The following EXOC2 variants were observed in gnomAD, a reference collection of about 807,000 sequenced individuals.
EXOC2 encodes SEC5-like 1.
A neutral mutation model predicts 131.8 loss-of-function variants in EXOC2; 70 were observed. The ratio of observed to expected loss-of-function variants is 0.53; its 90% confidence interval spans 0.44 to 0.65. The LOEUF is 0.65. Ranked by LOEUF, EXOC2 falls within the 30% of genes least tolerant of loss-of-function variation. The pLI is 0.00. For missense variants in EXOC2, 923 were observed against 1,108.6 expected, an observed-to-expected ratio of 0.83 and a Z score of 2.38; for synonymous variants, 411 against 398.4, an observed-to-expected ratio of 1.03 and a Z score of -0.38.
intron 19 of EXOC2, 131 bp downstream of exon 19, chr6:555,823 T>C: frequency 2.2e-6 from 2 of 909,738 alleles, no homozygotes; most frequent in East Asian, 2.5e-5. Flanking sequence ...CCTTAAACTA[T>C]TATGTACACA....
In EXOC2 at chr6:637,682, G is replaced by A. The variant is rs777304079; in HGVS notation, c.118+19C>T. 22 of 1,576,448 alleles carry A rather than the reference G, an allele frequency of 1.4e-5. No individual in the cohort carries two copies. Among genetic ancestry groups the A allele is most frequent in the African/African-American group, 8.2e-5 (6 of 73,038 alleles). ...AAAAATCCGATTAGCAGGGTGCGTC[G>A]CAGGGCCTCTGCCCTTACCTATGAG... On this transcript the variant is annotated intron_variant, in intron 2 of 27. Transcript: ENST00000230449.
At chr6:541,557 TCGCAGC>T (rs1756540565) in intron 22 of EXOC2, among the ~76,000 whole-genome samples, 2 of 134,736 alleles carry the variant, frequency 1.5e-5, no homozygotes, top group Non-Finnish European at 3.5e-5. Context: ...AATGACCATA[TCGCAGC>T]TGAGGTTGAA....
intron 22 of EXOC2, among the ~76,000 whole-genome samples, chr6:544,447 C>A (rs990408804): frequency 1.6e-4 from 24 of 152,190 alleles, no homozygotes; most frequent in African/African-American, 5.8e-4. Context: ...AGAAACACAT[C>A]TGATCAACTT....
intron 26 of EXOC2, 145 bp from the exon 27 acceptor site, chr6:489,183 G>T: frequency 1.3e-6 from 1 of 782,094 alleles, no homozygotes; most frequent in Non-Finnish European, 1.9e-6. Flanking sequence ...AAAAACAATA[G>T]AAAAAGTAAA....
chr6:656,104 AT>A, intron 1 of EXOC2: 1 of 1,588,728 alleles, frequency 6.3e-7, no homozygotes, highest in Non-Finnish European at 8.6e-7. Context: ...AGCTGGCTGA[AT>A]TTTTACAAGG....
At chr6:656,927 C>A (rs2127750747) in intron 1 of EXOC2, 1 of 1,529,044 alleles carries the variant, frequency 6.5e-7, no homozygotes, top group Non-Finnish European at 8.8e-7. Context: ...TGCCGGTGAT[C>A]TTGGCGCGAA....
rs147168208 is a variant in EXOC2, at chr6:617,733, G to A, written c.639C>T (p.Phe213=). 3.5e-4 allele frequency: 563 copies of A among 1,612,836 alleles called. 2 individuals carry two copies. Among genetic ancestry groups the A allele is most frequent in the Non-Finnish European group, 4.4e-4 (517 of 1,179,372 alleles). Residue 213 remains phenylalanine (F), a synonymous_variant, in exon 6 of 28, where the codon TTC becomes TTT. Coordinates refer to ENST00000230449, the MANE Select transcript of EXOC2 (RefSeq NM_018303.6). ...TACCTGAGAGGGCATCCTGTGCTTCGAAGAATGTACTGAGACCGCCTTTCA... is the reference window on the plus strand; with the variant it reads ...TACCTGAGAGGGCATCCTGTGCTTCAAAGAATGTACTGAGACCGCCTTTCA... ...AYVKGGLSTF[F]EAQDALSAIH... is the part of the protein sequence containing the mutation.
chr6:677,728 A>G (rs1764210270), intron 1 of EXOC2, among the ~76,000 whole-genome samples: 1 of 152,100 alleles, frequency 6.6e-6, no homozygotes, highest in African/African-American at 2.4e-5. Context: ...CGGCCTCCCA[A>G]AGTGCTGGGA....
chr6:567,326 T>A (rs6938636), intron 13 of EXOC2, among the ~76,000 whole-genome samples: 5,211 of 152,282 alleles, frequency 0.034, 328 homozygotes, highest in African/African-American at 0.12. Context: ...CCATCCTCTG[T>A]GTGGTTGTGT....
intron 25 of EXOC2, among the ~76,000 whole-genome samples, chr6:493,625 C>T (rs1763559445): frequency 6.6e-6 from 1 of 152,186 alleles, no homozygotes; most frequent in Non-Finnish European, 1.5e-5. Flanking sequence ...TTTCACCAAG[C>T]TCTCAGGACA....
rs1220092568 is a variant in EXOC2, at chr6:656,101, T to C, written c.-43-18240A>G. On this transcript the variant is annotated intron_variant, in intron 1 of 27. Coordinates refer to ENST00000230449, the MANE Select transcript of EXOC2 (RefSeq NM_018303.6). ...CCTTAAAAAAAAAATCTAAGCTGGC[T>C]GAATTTTTACAAGGCAGGAATGAAA... 8 of 1,578,488 alleles carry C rather than the reference T, an allele frequency of 5.1e-6. No homozygotes were observed. In the African/African-American group the frequency reaches 1.1e-4, roughly 21 times the overall value.
At chr6:557,088 C>T (rs538189221) in intron 17 of EXOC2, among the ~76,000 whole-genome samples, 2 of 152,200 alleles carry the variant, frequency 1.3e-5, no homozygotes, top group East Asian at 1.9e-4. Flanking sequence ...TGAAAATATG[C>T]CCAACCAATG....
intron 11 of EXOC2, among the ~76,000 whole-genome samples, chr6:586,469 G>A (rs1007930503): frequency 3.9e-5 from 6 of 152,202 alleles, no homozygotes; most frequent in African/African-American, 1.4e-4. Context: ...TTTTAGAAGT[G>A]AGTGATGAGG....
At position 543,006 on chromosome 6, in the gene EXOC2, G is replaced by A. The variant is rs528305749; in HGVS notation, c.2238+6169C>T. 7.2e-5 allele frequency among the ~76,000 whole-genome samples: 11 copies of A among 152,310 alleles called. No individual in the cohort carries two copies. In the East Asian group the frequency reaches 1.7e-3, roughly 24 times the overall value. ...AAAGCCCATCCTGGACACTCTGGAT[G>A]ATAAGCTGGAGAGTGGAAACGTTTA... On this transcript the variant is annotated intron_variant, in intron 22 of 27. Coordinates refer to ENST00000230449, the MANE Select transcript of EXOC2 (RefSeq NM_018303.6).
At chr6:578,079 A>G (rs1241894015) in intron 11 of EXOC2, among the ~76,000 whole-genome samples, 3 of 152,202 alleles carry the variant, frequency 2.0e-5, no homozygotes, top group Non-Finnish European at 4.4e-5. Flanking sequence ...AAGTAAATAT[A>G]TCTCCATGTT....
chr6:608,937 T>C (rs758361334), intron 7 of EXOC2, among the ~76,000 whole-genome samples: 4 of 152,236 alleles, frequency 2.6e-5, no homozygotes, highest in Non-Finnish European at 5.9e-5. Flanking sequence ...CTTCAATAAG[T>C]GTTTGAGTTA....
At chr6:658,232 T>C (rs1763230055) in intron 1 of EXOC2, among the ~76,000 whole-genome samples, 1 of 152,218 alleles carries the variant, frequency 6.6e-6, no homozygotes, top group South Asian at 2.1e-4. Flanking sequence ...TGGCCCTCTC[T>C]ATATTTTCTC....
intron 2 of EXOC2, among the ~76,000 whole-genome samples, chr6:633,357 A>G (rs1761947935): frequency 6.6e-6 from 1 of 152,236 alleles, no homozygotes; most frequent in African/African-American, 2.4e-5. Context: ...TAGAATTAGA[A>G]AACGAACACC....
intron 1 of EXOC2, chr6:656,483 G>C: frequency 6.2e-7 from 1 of 1,609,760 alleles, no homozygotes; most frequent in Non-Finnish European, 8.5e-7. Context: ...GGATGCTCGC[G>C]TCGGAGGCGC....
Sources: gnomAD v4.1 joint callset for allele counts (sites outside exome capture counted in the v4.1 genomes callset) on GRCh38, gnomAD v4.1.1 for gene constraint, MANE v1.5 for transcripts, NCBI Gene and HGNC (gene_info 2026-07-23, HGNC 2026-07-21) for gene names.